Variants in GRIK2 observed in about 807,000 individuals in gnomAD.
GRIK2 encodes glutamate receptor ionotropic, kainate 2.
GRIK2 carries 32 observed loss-of-function variants against 100.3 expected under a neutral mutation model. The ratio of observed to expected loss-of-function variants is 0.32; its 90% CI spans 0.24 to 0.43. GRIK2 has a LOEUF of 0.43. Ranked by LOEUF, GRIK2 falls within the 20% of genes least tolerant of loss-of-function variation. GRIK2 has a pLI of 1.00. For synonymous variants in GRIK2, 417 were observed against 389.4 expected, an observed-to-expected ratio of 1.07 and a Z score of -0.83; for missense variants, 843 against 1,114.9, an observed-to-expected ratio of 0.76 and a Z score of 3.47.
chr6:101,686,363 C>A lies in GRIK2; in HGVS notation c.951+10C>A. ...GGATGGATTTATGACGGTATGAATA[C>A]CCACTTAAAGATCAGTTTGTGTGTT... On this transcript the variant is annotated intron_variant, in intron 7 of 16. Coordinates refer to ENST00000369134, the MANE Select transcript of GRIK2 (RefSeq NM_021956.5). 1 of 1,603,398 alleles carries A rather than the reference C, an allele frequency of 6.2e-7. No individual in the cohort carries two copies. Among genetic ancestry groups the A allele is most frequent in the Non-Finnish European group, 8.5e-7 (1 of 1,170,760 alleles).
At chr6:101,767,336 A>T (rs1287980437) in intron 7 of GRIK2, among the ~76,000 whole-genome samples, 1 of 152,144 alleles carries the variant, frequency 6.6e-6, no homozygotes, top group Non-Finnish European at 1.5e-5. Flanking sequence ...ATAAAAAAGA[A>T]AGGTAAACTT....
At chr6:101,555,178 C>T (rs1776678927) in intron 2 of GRIK2, among the ~76,000 whole-genome samples, 1 of 152,178 alleles carries the variant, frequency 6.6e-6, no homozygotes, top group African/African-American at 2.4e-5. Context: ...TTATGGTAAC[C>T]CCTTTTACTT....
intron 2 of GRIK2, among the ~76,000 whole-genome samples, chr6:101,474,864 C>G (rs1772147647): frequency 7.1e-6 from 1 of 141,822 alleles, no homozygotes; most frequent in Admixed American, 7.6e-5. Flanking sequence ...CATAATAATA[C>G]TGTTAATCAC....
intron 11 of GRIK2, among the ~76,000 whole-genome samples, chr6:101,878,122 AT>A: frequency 6.9e-6 from 1 of 145,576 alleles, no homozygotes; most frequent in Admixed American, 6.9e-5. Context: ...ATATTATATT[AT>A]ATTATATTAA....
At chr6:101,860,974 T>C in intron 11 of GRIK2, 1 of 835,808 alleles carries the variant, frequency 1.2e-6, no homozygotes, top group Non-Finnish European at 1.4e-6. Flanking sequence ...CATCCTCTCT[T>C]CTCCACTTTC....
chr6:101,420,798 T>G (rs1582409870), intron 2 of GRIK2, among the ~76,000 whole-genome samples: 1 of 152,134 alleles, frequency 6.6e-6, no homozygotes, highest in African/African-American at 2.4e-5. Context: ...TGTGCAAATA[T>G]GAAGGTTTTT....
chr6:101,804,139 AAG>A (rs1780838082), intron 9 of GRIK2, among the ~76,000 whole-genome samples: 4 of 152,104 alleles, frequency 2.6e-5, no homozygotes, highest in African/African-American at 9.6e-5. Flanking sequence ...ATAATTAATC[AAG>A]AGTCATAGTC....
At chr6:101,557,456 G>A (rs1370134361) in intron 2 of GRIK2, among the ~76,000 whole-genome samples, 1 of 152,114 alleles carries the variant, frequency 6.6e-6, no homozygotes, top group Non-Finnish European at 1.5e-5. Flanking sequence ...CACCTATTAT[G>A]CACAAAAGAG....
intron 15 of GRIK2, among the ~76,000 whole-genome samples, chr6:102,045,201 A>G (rs2518150): frequency 4.6e-5 from 7 of 151,792 alleles, no homozygotes. Context: ...GACTACATAA[A>G]ATTTAGCAAG....
chr6:102,056,285 T>A (rs1434225386), intron 16 of GRIK2, among the ~76,000 whole-genome samples: 2 of 151,996 alleles, frequency 1.3e-5, no homozygotes, highest in Non-Finnish European at 2.9e-5. Context: ...TTTTGTATTA[T>A]CCTTGAAAAG....
intron 2 of GRIK2, among the ~76,000 whole-genome samples, chr6:101,440,944 T>A (rs1207168259): frequency 6.6e-6 from 1 of 151,548 alleles, no homozygotes; most frequent in Non-Finnish European, 1.5e-5. Context: ...GAGTGTTAGA[T>A]GGTCTATCTT....
At chr6:101,945,190 G>T (rs1314895257) in intron 14 of GRIK2, among the ~76,000 whole-genome samples, 1 of 151,900 alleles carries the variant, frequency 6.6e-6, no homozygotes, top group Non-Finnish European at 1.5e-5. Context: ...TAGCTTTTTA[G>T]GTTTATGCAA....
intron 14 of GRIK2, among the ~76,000 whole-genome samples, chr6:101,978,763 T>G (rs547444439): frequency 6.6e-6 from 1 of 152,122 alleles, no homozygotes; most frequent in South Asian, 2.1e-4. Flanking sequence ...ATATAATATT[T>G]AGAATTATTT....
chr6:101,676,802 C>G lies in GRIK2; in HGVS notation c.721C>G (p.Gln241Glu). Reference protein sequence around the residue: ...SHEMAAGILKQALAMGMMTEY... With the variant: ...SHEMAAGILKEALAMGMMTEY... Reference sequence around the variant, plus strand: ...TGAAATGGCAGCAGGCATTTTAAAACAGGTAACCTTTAAATTACTTCAATT... The same window carrying G: ...TGAAATGGCAGCAGGCATTTTAAAAGAGGTAACCTTTAAATTACTTCAATT... The change falls in exon 5 of 17, where the codon CAG becomes GAG. Residue 241 changes from glutamine to glutamate, a missense_variant and splice_region_variant. By Grantham distance (29) the Gln-to-Glu change is conservative. Transcript: ENST00000369134. 1 of 1,573,486 alleles carries G rather than the reference C, an allele frequency of 6.4e-7. No homozygotes were observed. The highest frequency in any genetic ancestry group is 8.7e-7 in the Non-Finnish European group (1 of 1,151,508).
At chr6:101,738,810 A>G (rs1775845205) in intron 7 of GRIK2, among the ~76,000 whole-genome samples, 1 of 152,196 alleles carries the variant, frequency 6.6e-6, no homozygotes, top group Non-Finnish European at 1.5e-5. Context: ...GGGTGGCAAA[A>G]TCACCCTGTG....
At chr6:101,498,485 C>T (rs1431457993) in intron 2 of GRIK2, among the ~76,000 whole-genome samples, 3 of 151,024 alleles carry the variant, frequency 2.0e-5, no homozygotes, top group Non-Finnish European at 3.0e-5. Context: ...GTCCCACCAA[C>T]AGTGTAAAAG....
At chr6:101,678,946 C>T (rs1016128743) in intron 5 of GRIK2, among the ~76,000 whole-genome samples, 1 of 152,152 alleles carries the variant, frequency 6.6e-6, no homozygotes, top group Admixed American at 6.5e-5. Flanking sequence ...GTGGAGCTTG[C>T]GGTTGAGTAG....
intron 2 of GRIK2, among the ~76,000 whole-genome samples, chr6:101,523,720 CT>C (rs1163558120): frequency 0.14 from 16,610 of 121,390 alleles, 823 homozygotes; most frequent in Admixed American, 0.17. Context: ...ACTCCTAAGT[CT>C]TTTTTTTTTT....
intron 4 of GRIK2, among the ~76,000 whole-genome samples, chr6:101,667,333 C>A (rs908050439): frequency 6.6e-6 from 1 of 152,018 alleles, no homozygotes; most frequent in Non-Finnish European, 1.5e-5. Context: ...AACATAATGG[C>A]CGAATTCTCC....
Sources: allele counts gnomAD v4.1 joint callset (sites outside exome capture counted in the v4.1 genomes callset), GRCh38; gene constraint gnomAD v4.1.1; transcripts MANE v1.5; gene names NCBI Gene and HGNC (gene_info 2026-07-23, HGNC 2026-07-21).